PEX7: variants seen among roughly 807,000 people sequenced by gnomAD.
PEX7 encodes peroxisomal biogenesis factor 7.
PEX7 carries 34 observed loss-of-function variants against 47.5 expected under a neutral mutation model. The observed-to-expected ratio is 0.72, with a 90% CI of 0.54 to 0.95. PEX7 has a LOEUF of 0.95. PEX7 is among the 40% of genes least tolerant of loss of function. The pLI, the probability that PEX7 is intolerant of heterozygous loss-of-function variation, is 0.00. For missense variants in PEX7, 394 were observed against 400.3 expected, an observed-to-expected ratio of 0.98 and a Z score of 0.13; for synonymous variants, 141 against 148.8, an observed-to-expected ratio of 0.95 and a Z score of 0.38.
intron 1 of PEX7, chr6:136,823,156 A>C (rs955804379): frequency 6.1e-6 from 6 of 985,236 alleles, no homozygotes; most frequent in Non-Finnish European, 7.2e-6. Context: ...TCCGCTCGGC[A>C]CAGCAGTACG....
intron 3 of PEX7, among the ~76,000 whole-genome samples, chr6:136,836,459 G>T (rs1774386512): frequency 6.6e-6 from 1 of 152,136 alleles, no homozygotes; most frequent in Admixed American, 6.6e-5. Context: ...TGGAACCATT[G>T]AAATGTTTTA....
chr6:136,905,315 C>A (rs1485399449), intron 9 of PEX7, among the ~76,000 whole-genome samples: 1 of 152,174 alleles, frequency 6.6e-6, no homozygotes, highest in African/African-American at 2.4e-5. Flanking sequence ...ATCGGTTCTT[C>A]TGTTTTCAAA....
chr6:136,890,912 T>C (rs1436658519), intron 8 of PEX7, among the ~76,000 whole-genome samples: 1 of 152,228 alleles, frequency 6.6e-6, no homozygotes, highest in Non-Finnish European at 1.5e-5. Context: ...ACACAGACTA[T>C]TCTTATCCTT....
At chr6:136,892,077 CA>C (rs2115263616) in intron 8 of PEX7, among the ~76,000 whole-genome samples, 1 of 152,162 alleles carries the variant, frequency 6.6e-6, no homozygotes, top group East Asian at 1.9e-4. Context: ...TAGAAAGAGA[CA>C]GCAGAGTAGA....
At chr6:136,854,148 C>T (rs1027804511) in intron 5 of PEX7, among the ~76,000 whole-genome samples, 1 of 152,050 alleles carries the variant, frequency 6.6e-6, no homozygotes, top group Admixed American at 6.6e-5. Context: ...TAATTTGAAT[C>T]AATTAACCCT....
chr6:136,882,663 C>T (rs2115248688), intron 8 of PEX7, among the ~76,000 whole-genome samples: 1 of 152,184 alleles, frequency 6.6e-6, no homozygotes, highest in Middle Eastern at 3.4e-3. Context: ...TTATTTAGAT[C>T]CCTTAGACAT....
intron 3 of PEX7, among the ~76,000 whole-genome samples, chr6:136,838,314 G>C (rs1458898082): frequency 6.6e-6 from 1 of 152,072 alleles, no homozygotes; most frequent in East Asian, 1.9e-4. Context: ...AAATTGGAAG[G>C]GTAGAGAAAA....
At chr6:136,852,497 G>A (rs542669381) in intron 5 of PEX7, among the ~76,000 whole-genome samples, 898 of 46,404 alleles carry the variant, frequency 0.019, 50 homozygotes, top group African/African-American at 0.082. Context: ...AAAATCACAA[G>A]CATTCTTATA....
chr6:136,829,919 AG>A, intron 3 of PEX7: 1 of 681,672 alleles, frequency 1.5e-6, no homozygotes, highest in South Asian at 1.6e-5. Flanking sequence ...CCTGGACAAC[AG>A]AGTGAGACCC....
intron 3 of PEX7, chr6:136,830,229 A>T: frequency 1.7e-6 from 1 of 581,158 alleles, no homozygotes; most frequent in Non-Finnish European, 3.0e-6. Context: ...AGTCTGTATC[A>T]CAGACCAGCA....
chr6:136,838,230 C>G (rs975293813), intron 3 of PEX7, among the ~76,000 whole-genome samples: 1 of 152,048 alleles, frequency 6.6e-6, no homozygotes, highest in African/African-American at 2.4e-5. Context: ...TTATATGCCT[C>G]CTAATATAAT....
chr6:136,845,022 A>C lies in PEX7; in HGVS notation c.340-593A>C, dbSNP rs1461807763. Among the ~76,000 whole-genome samples, 5 of 152,226 alleles carry C rather than the reference A, an allele frequency of 3.3e-5. No homozygotes were observed. The East Asian group carries it at 7.7e-4, about 23-fold the overall frequency. On this transcript the variant is annotated intron_variant, in intron 3 of 9. Coordinates refer to ENST00000318471, the MANE Select transcript of PEX7 (RefSeq NM_000288.4). ...AGTTTACAGCAGTGATCTGTGTATA[A>C]TCTGTTGTATAAAATGAAAGAATGA... is the stretch of plus-strand genomic sequence containing the variant.
At chr6:136,903,337 T>TC (rs66992391) in intron 9 of PEX7, among the ~76,000 whole-genome samples, 67 of 40,632 alleles carry the variant, frequency 1.6e-3, no homozygotes, top group Non-Finnish European at 3.5e-3. Flanking sequence ...TTTCTTTCTC[T>TC]TTTTTTTTTT....
intron 3 of PEX7, among the ~76,000 whole-genome samples, chr6:136,845,309 C>A (rs1322959280): frequency 6.6e-6 from 1 of 152,170 alleles, no homozygotes; most frequent in Admixed American, 6.5e-5. Flanking sequence ...CTTCGTGGGG[C>A]TGCAAACAGT....
chr6:136,886,913 T>C (rs1775476223), intron 8 of PEX7, among the ~76,000 whole-genome samples: 1 of 152,056 alleles, frequency 6.6e-6, no homozygotes, highest in Non-Finnish European at 1.5e-5. Flanking sequence ...TAGCCAGGTA[T>C]GGTGGCACAT....
intron 9 of PEX7, among the ~76,000 whole-genome samples, chr6:136,909,786 C>G (rs1775904386): frequency 6.6e-6 from 1 of 152,024 alleles, no homozygotes; most frequent in Admixed American, 6.6e-5. Flanking sequence ...GAATCAGTGG[C>G]CTTGACATTT....
chr6:136,880,812 G>A (rs929907885), intron 8 of PEX7, among the ~76,000 whole-genome samples: 1 of 152,162 alleles, frequency 6.6e-6, no homozygotes, highest in African/African-American at 2.4e-5. Flanking sequence ...AATGCTTTGA[G>A]ATGTATTTCA....
rs538657978 is a variant in PEX7, at chr6:136,839,102, G to A, written c.340-6513G>A. ...AGGTTGAGGTGGGAGGATCAATTGAGCCCAGAAGGTGGAGGCTGCAGTGAG... is the reference window on the plus strand; with the variant it reads ...AGGTTGAGGTGGGAGGATCAATTGAACCCAGAAGGTGGAGGCTGCAGTGAG... On this transcript the variant is annotated intron_variant, in intron 3 of 9. Transcript: ENST00000318471. Among the ~76,000 whole-genome samples the A allele has an allele frequency of 5.9e-5, 9 of 152,208 alleles. No individual in the cohort carries two copies. In the South Asian group the frequency reaches 1.2e-3, roughly 21 times the overall value.
intron 3 of PEX7, among the ~76,000 whole-genome samples, chr6:136,830,683 T>C (rs1342043475): frequency 6.6e-6 from 1 of 152,240 alleles, no homozygotes; most frequent in Non-Finnish European, 1.5e-5. Context: ...GACAATTTTA[T>C]TTCACTGCTT....
Sources: gnomAD v4.1 joint callset for allele counts (sites outside exome capture counted in the v4.1 genomes callset) on GRCh38, gnomAD v4.1.1 for gene constraint, MANE v1.5 for transcripts, NCBI Gene and HGNC (gene_info 2026-07-23, HGNC 2026-07-21) for gene names.